GKAP1: variants seen among roughly 807,000 people sequenced by gnomAD.
GKAP1 encodes G kinase-anchoring protein 1.
Under a neutral mutation model 56.7 loss-of-function variants are expected in GKAP1, and 31 were observed. The ratio of observed to expected loss-of-function variants is 0.55; its 90% CI spans 0.41 to 0.74. The LOEUF is 0.74. GKAP1 is among the 30% of genes least tolerant of loss of function. The probability of loss-of-function intolerance (pLI) is 0.00; values close to 1 mark genes in which losing one functional copy is unlikely to be tolerated. For synonymous variants in GKAP1, 151 were observed against 138.6 expected, an observed-to-expected ratio of 1.09 and a Z score of -0.63; for missense variants, 364 against 402.3, an observed-to-expected ratio of 0.90 and a Z score of 0.82.
rs1352856252 is a variant in GKAP1, at chr9:83,804,855, G to GC, written c.216+1446dup. 1.3e-3 allele frequency among the ~76,000 whole-genome samples: 181 copies of GC among 138,218 alleles called. 4 individuals carry two copies. Among genetic ancestry groups the GC allele is most frequent in the Non-Finnish European group, 2.0e-3 (130 of 64,838 alleles). The allele number at this position is 138,218 out of a possible 152,430, so 90.7% of individuals were successfully genotyped here. ...CGTCCGGGAGGGAGGTGGGGGGTCA[G>GC]CCCCCCGCCCGGCCAGCCGCCCCGT... On this transcript the variant is annotated intron_variant, in intron 3 of 12. Transcript: ENST00000376371.
intron 8 of GKAP1, among the ~76,000 whole-genome samples, chr9:83,760,142 A>C (rs899850346): frequency 1.3e-5 from 2 of 152,176 alleles, no homozygotes; most frequent in South Asian, 2.1e-4. Context: ...TGTTGCCTAC[A>C]AGAAACACAT....
At chr9:83,749,875 A>G (rs1943358419) in intron 9 of GKAP1, among the ~76,000 whole-genome samples, 1 of 152,254 alleles carries the variant, frequency 6.6e-6, no homozygotes, top group Non-Finnish European at 1.5e-5. Context: ...TGAGAAGCTC[A>G]GAAATGAACA....
At chr9:83,805,853 A>G (rs973804294) in intron 3 of GKAP1, among the ~76,000 whole-genome samples, 1 of 152,240 alleles carries the variant, frequency 6.6e-6, no homozygotes, top group African/African-American at 2.4e-5. Flanking sequence ...GTGGTGGCTC[A>G]CGCCTGTAAT....
chr9:83,785,362 T>G (rs1944046778), intron 5 of GKAP1, among the ~76,000 whole-genome samples: 1 of 152,142 alleles, frequency 6.6e-6, no homozygotes, highest in Non-Finnish European at 1.5e-5. Context: ...TTTTAATGCT[T>G]TATACCCACT....
At chr9:83,767,495 A>T (rs1943684721) in intron 8 of GKAP1, among the ~76,000 whole-genome samples, 1 of 150,620 alleles carries the variant, frequency 6.6e-6, no homozygotes, top group Non-Finnish European at 1.5e-5. Context: ...AGTAGCTGGG[A>T]CTACAGGCGC....
Position 83,780,377 on chromosome 9 carries a change from C to T in GKAP1, c.585+5G>A. On this transcript the variant is annotated splice_donor_5th_base_variant and intron_variant, in intron 7 of 12. Coordinates refer to ENST00000376371, the MANE Select transcript of GKAP1 (RefSeq NM_025211.4). ...TTTCTACAAGATGGCTACAATAAGA[C>T]TTACCTCAGTCTTTTTACTAATGTG... 7.9e-7 allele frequency: 1 copy of T among 1,266,162 alleles called. No homozygotes were observed. The highest frequency in any genetic ancestry group is 1.1e-6 in the Non-Finnish European group (1 of 934,148). 78.4% of individuals were successfully genotyped at this position (1,266,162 alleles called of 1,614,324 possible). A position where few individuals can be genotyped will look rare whatever the true frequency, so the allele number is the denominator to read the frequency against.
intron 7 of GKAP1, among the ~76,000 whole-genome samples, chr9:83,776,589 G>A (rs973598875): frequency 9.9e-5 from 15 of 152,038 alleles, no homozygotes; most frequent in Admixed American, 6.5e-4. Context: ...CCAGCTACTC[G>A]GGAGACTGAG....
intron 3 of GKAP1, among the ~76,000 whole-genome samples, chr9:83,802,566 C>A (rs1408570822): frequency 6.6e-6 from 1 of 151,568 alleles, no homozygotes; most frequent in Non-Finnish European, 1.5e-5. Flanking sequence ...TAGTGTTGCA[C>A]ACCTGTAATC....
At chr9:83,778,607 C>A (rs1427296906) in intron 7 of GKAP1, among the ~76,000 whole-genome samples, 1 of 151,814 alleles carries the variant, frequency 6.6e-6, no homozygotes, top group Non-Finnish European at 1.5e-5. Flanking sequence ...AGGCTTAATA[C>A]CTGGGTGACA....
At chr9:83,791,974 A>C (rs1944167016) in intron 4 of GKAP1, among the ~76,000 whole-genome samples, 1 of 152,238 alleles carries the variant, frequency 6.6e-6, no homozygotes, top group Non-Finnish European at 1.5e-5. Flanking sequence ...ATACTAAGGA[A>C]AGTCATTCTG....
intron 8 of GKAP1, among the ~76,000 whole-genome samples, chr9:83,757,088 A>G (rs759312425): frequency 1.1e-4 from 16 of 152,230 alleles, no homozygotes; most frequent in South Asian, 2.1e-4. Context: ...ATGTGCAGTA[A>G]GAAAAACAAA....
At chr9:83,804,694 G>A (rs919502612) in intron 3 of GKAP1, among the ~76,000 whole-genome samples, 8 of 144,950 alleles carry the variant, frequency 5.5e-5, no homozygotes, top group South Asian at 2.2e-4. Context: ...CCCCCCGCCC[G>A]GCCAGCCGCC....
intron 4 of GKAP1, among the ~76,000 whole-genome samples, chr9:83,792,302 G>A (rs1196937822): frequency 2.0e-5 from 3 of 152,118 alleles, no homozygotes; most frequent in Non-Finnish European, 4.4e-5. Flanking sequence ...GCTTAGTTAG[G>A]GCAGCATAAG....
rs1480907871 is a variant in GKAP1 at position 83,790,926 on chromosome 9, A to C, written c.361-2248T>G. Among the ~76,000 whole-genome samples, 3 of 152,352 alleles carry C rather than the reference A, an allele frequency of 2.0e-5. No individual in the cohort carries two copies. In the South Asian group the frequency reaches 6.2e-4, roughly 32 times the overall value. On this transcript the variant is annotated intron_variant, in intron 4 of 12. Coordinates refer to ENST00000376371, the MANE Select transcript of GKAP1 (RefSeq NM_025211.4). Reference sequence around the variant, plus strand: ...CTATTGATGACATTTAATTATAGAAAGGGCATTTGAGATTATTTCTAATAT... The same window carrying C: ...CTATTGATGACATTTAATTATAGAACGGGCATTTGAGATTATTTCTAATAT...
chr9:83,741,833 T>G, intron 12 of GKAP1, 119 bp downstream of exon 12: 1 of 625,044 alleles, frequency 1.6e-6, no homozygotes, highest in Non-Finnish European at 2.8e-6. Flanking sequence ...AATAAAATTA[T>G]CAATATATTT....
At chr9:83,793,350 ATTAGATTTTCAAAG>A (rs1251354821) in intron 4 of GKAP1, among the ~76,000 whole-genome samples, 2 of 152,220 alleles carry the variant, frequency 1.3e-5, no homozygotes, top group Admixed American at 1.3e-4. Flanking sequence ...CCCCTAACCC[ATTAGATTTTCAAAG>A]TGTAGACTAC....
intron 7 of GKAP1, among the ~76,000 whole-genome samples, chr9:83,775,685 G>C (rs560857310): frequency 2.9e-4 from 44 of 151,942 alleles, no homozygotes; most frequent in Middle Eastern, 3.4e-3. Flanking sequence ...AGACCAGCCT[G>C]AGCAACCCAG....
intron 7 of GKAP1, 68 bp downstream of exon 7, chr9:83,780,314 G>C (rs1181979765): frequency 1.1e-6 from 1 of 915,872 alleles, no homozygotes. Flanking sequence ...AAGACTTACT[G>C]CTAAGTATTT....
chr9:83,812,918 A>T (rs1036724918), intron 2 of GKAP1, among the ~76,000 whole-genome samples: 1 of 152,192 alleles, frequency 6.6e-6, no homozygotes, highest in African/African-American at 2.4e-5. Flanking sequence ...CTCGTTAACT[A>T]ATTTTTCAGA....
Sources: gnomAD v4.1 joint callset for allele counts (sites outside exome capture counted in the v4.1 genomes callset) on GRCh38, gnomAD v4.1.1 for gene constraint, MANE v1.5 for transcripts, NCBI Gene and HGNC (gene_info 2026-07-23, HGNC 2026-07-21) for gene names.